Variants in TRIO observed in about 807,000 individuals in gnomAD.
TRIO encodes the protein triple functional domain protein.
In TRIO, 58 loss-of-function variants were observed where a neutral mutation model predicts 351.9. That is an observed-to-expected ratio of 0.16 (90% CI 0.13 to 0.21). The LOEUF (loss-of-function observed/expected upper bound fraction) is 0.21. Ranked by LOEUF, TRIO falls within the 10% of genes least tolerant of loss-of-function variation. The pLI is 1.00. For synonymous variants in TRIO, 1,758 were observed against 1,595.7 expected (o/e 1.10, Z -2.42); for missense variants, 3,201 against 4,027.8 (o/e 0.79, Z 5.56).
intron 8 of TRIO, among the ~76,000 whole-genome samples, chr5:14,315,151 G>C (rs1278689984): frequency 6.6e-6 from 1 of 152,026 alleles, no homozygotes; most frequent in Non-Finnish European, 1.5e-5. Context: ...CTCAGTGTTA[G>C]CTTTTCCCAT....
chr5:14,224,907 G>T (rs1268210923), intron 1 of TRIO, among the ~76,000 whole-genome samples: 1 of 152,040 alleles, frequency 6.6e-6, no homozygotes, highest in Non-Finnish European at 1.5e-5. Flanking sequence ...GGTGTTTTTA[G>T]TATCACATGT....
At chr5:14,392,150 A>C (rs1028558243) in intron 27 of TRIO, among the ~76,000 whole-genome samples, 3 of 152,312 alleles carry the variant, frequency 2.0e-5, no homozygotes. Flanking sequence ...TGAACAGGCA[A>C]CCAACAGAAT....
intron 1 of TRIO, among the ~76,000 whole-genome samples, chr5:14,265,009 G>A (rs1196996475): frequency 6.6e-6 from 1 of 151,426 alleles, no homozygotes; most frequent in Non-Finnish European, 1.5e-5. Flanking sequence ...TTTTCTGGTT[G>A]TTTAAAAATA....
At position 14,359,400 on chromosome 5, in the gene TRIO, A is replaced by G. The variant is rs1253102448; in HGVS notation, c.2260A>G (p.Ile754Val). The change falls in exon 13 of 57, where the codon ATC (isoleucine) becomes GTC (valine). Residue 754 changes from isoleucine to valine, a missense_variant. Physicochemically the swap from Ile to Val is conservative, Grantham distance 29. This residue lies in a region of TRIO where 363 missense variants were observed against 553.5 expected (regional missense o/e 0.66). Coordinates refer to ENST00000344204, the MANE Select transcript of TRIO (RefSeq NM_007118.4). ...TAACAAGACCCCCCACAACAGCTCCATCAACCACATTGAGACGGTGCTGCA... is the reference window on the plus strand; with the variant it reads ...TAACAAGACCCCCCACAACAGCTCCGTCAACCACATTGAGACGGTGCTGCA... ...SSNKTPHNSS[I>V]NHIETVLQQL... 23 of 1,614,184 alleles carry G rather than the reference A, an allele frequency of 1.4e-5. No homozygotes were observed. Among genetic ancestry groups the G allele is most frequent in the Non-Finnish European group, 1.8e-5 (21 of 1,179,992 alleles).
chr5:14,150,093 C>T (rs975902593), intron 1 of TRIO, among the ~76,000 whole-genome samples: 29 of 152,176 alleles, frequency 1.9e-4, no homozygotes, highest in Admixed American at 1.6e-3. Context: ...CAGGGAAGGC[C>T]AAGGGGCCCC....
At chr5:14,403,920 AGGT>A (rs1462801059) in intron 31 of TRIO, among the ~76,000 whole-genome samples, 6 of 95,128 alleles carry the variant, frequency 6.3e-5, no homozygotes, top group East Asian at 6.8e-4. Flanking sequence ...GTGAGGGTGT[AGGT>A]GGTGGTGGTG....
At chr5:14,175,217 G>A (rs562011726) in intron 1 of TRIO, among the ~76,000 whole-genome samples, 2 of 152,096 alleles carry the variant, frequency 1.3e-5, no homozygotes, top group African/African-American at 2.4e-5. Flanking sequence ...TCTCTTTATG[G>A]CTGTCAGGAT....
intron 1 of TRIO, among the ~76,000 whole-genome samples, chr5:14,241,603 G>A (rs1293635072): frequency 6.6e-6 from 1 of 152,110 alleles, no homozygotes; most frequent in Non-Finnish European, 1.5e-5. Context: ...TATTGTTGTG[G>A]ATATAGAGGC....
chr5:14,313,683 T>G (rs371190214), intron 8 of TRIO, among the ~76,000 whole-genome samples: 2 of 152,318 alleles, frequency 1.3e-5, no homozygotes, highest in East Asian at 1.9e-4. Flanking sequence ...TGTGTTGCCT[T>G]TTTTAGCAGG....
At chr5:14,452,000 ACT>A (rs945305337) in intron 34 of TRIO, among the ~76,000 whole-genome samples, 5 of 152,184 alleles carry the variant, frequency 3.3e-5, no homozygotes, top group Non-Finnish European at 5.9e-5. Context: ...GTTCACCGGA[ACT>A]CTCCTGCTGT....
At chr5:14,296,627 T>C (rs1245329768) in intron 6 of TRIO, among the ~76,000 whole-genome samples, 3 of 152,194 alleles carry the variant, frequency 2.0e-5, no homozygotes, top group Non-Finnish European at 2.9e-5. Context: ...TTCACACAAA[T>C]AGCCTTTGGT....
chr5:14,284,034 A>T (rs1257088062), intron 3 of TRIO, among the ~76,000 whole-genome samples: 1 of 151,908 alleles, frequency 6.6e-6, no homozygotes, highest in Non-Finnish European at 1.5e-5. Flanking sequence ...TAACAGATAA[A>T]CCACTCTTAC....
Position 14,368,791 on chromosome 5 carries a change from G to A in TRIO, c.2958G>A (p.Arg986=), listed in dbSNP as rs1252853424. The change falls in exon 17 of 57, where the codon CGG becomes CGA. Residue 986 remains arginine (R), a synonymous_variant. Transcript: ENST00000344204. ...QANHYDMDMI[R]DCAEKVASHW... ...ACCACTACGACATGGACATGATCCG[G>A]GACTGCGCCGAGAAGGTGGCGTCTC... 6.2e-7 allele frequency: 1 copy of A among 1,614,094 alleles called. No homozygotes were observed. The highest frequency in any genetic ancestry group is 1.1e-5 in the South Asian group (1 of 91,076).
At chr5:14,379,208 G>T (rs1745845929) in intron 20 of TRIO, among the ~76,000 whole-genome samples, 1 of 152,184 alleles carries the variant, frequency 6.6e-6, no homozygotes, top group Non-Finnish European at 1.5e-5. Flanking sequence ...ATGACAGTTG[G>T]TGTTGACCCA....
chr5:14,236,487 T>C (rs2152228736), intron 1 of TRIO, among the ~76,000 whole-genome samples: 1 of 152,232 alleles, frequency 6.6e-6, no homozygotes, highest in South Asian at 2.1e-4. Context: ...TCTAGAGGAG[T>C]ACTTCACCAA....
At chr5:14,468,628 C>T (rs1278845095) in intron 37 of TRIO, among the ~76,000 whole-genome samples, 4 of 152,244 alleles carry the variant, frequency 2.6e-5, no homozygotes, top group African/African-American at 9.6e-5. Flanking sequence ...TGTCAGAAAA[C>T]ACTAATGCAT....
intron 1 of TRIO, among the ~76,000 whole-genome samples, chr5:14,198,298 C>CT (rs903573830): frequency 6.6e-6 from 1 of 152,154 alleles, no homozygotes; most frequent in African/African-American, 2.4e-5. Context: ...ATTTCCCTCT[C>CT]TCTGCTGTCT....
chr5:14,358,288 C>T lies in TRIO; in HGVS notation c.2157C>T (p.Thr719=). The part of the protein sequence containing the change: ...LIKRFGQQQQ[T]TLQVTVNVIK... Reference sequence around the variant, plus strand: ...AGCGCTTTGGCCAGCAGCAGCAGACCACCCTGCAGGTGACTGTCAACGTGA... The same window carrying T: ...AGCGCTTTGGCCAGCAGCAGCAGACTACCCTGCAGGTGACTGTCAACGTGA... The change falls in exon 12 of 57, where the codon ACC becomes ACT. Residue 719 remains threonine, a synonymous_variant. Transcript: ENST00000344204. The T allele has an allele frequency of 6.2e-7, 1 of 1,614,226 alleles. No individual in the cohort carries two copies. The highest frequency in any genetic ancestry group is 8.5e-7 in the Non-Finnish European group (1 of 1,180,038).
At chr5:14,330,081 A>G (rs1168345727) in intron 9 of TRIO, among the ~76,000 whole-genome samples, 1 of 152,224 alleles carries the variant, frequency 6.6e-6, no homozygotes, top group African/African-American at 2.4e-5. Flanking sequence ...GCGTTTTGTG[A>G]TTTAAGTATG....
Sources: allele counts gnomAD v4.1 joint callset (sites outside exome capture counted in the v4.1 genomes callset), GRCh38; gene constraint gnomAD v4.1.1; regional missense constraint gnomAD v4.1.1; transcripts MANE v1.5; gene names NCBI Gene and HGNC (gene_info 2026-07-23, HGNC 2026-07-21).